Variants in ERC2 observed in about 807,000 individuals in gnomAD.
The protein encoded by ERC2 is ELKS/RAB6-interacting/CAST family member 2.
In ERC2, 42 loss-of-function variants were observed where a neutral mutation model predicts 114.8. The observed-to-expected ratio is 0.37, with a 90% CI of 0.29 to 0.47. The LOEUF (loss-of-function observed/expected upper bound fraction) is 0.47, where lower values mean the gene tolerates loss of function less well. Ranked by LOEUF, ERC2 falls within the 20% of genes least tolerant of loss-of-function variation. The pLI, the probability that ERC2 is intolerant of heterozygous loss-of-function variation, is 0.99. For missense variants in ERC2, 939 were observed against 1,150.7 expected (o/e 0.82, Z 2.66); for synonymous variants, 454 against 425.5 (o/e 1.07, Z -0.82).
chr3:56,284,051 G>A (rs934869815), intron 3 of ERC2, among the ~76,000 whole-genome samples: 5 of 152,296 alleles, frequency 3.3e-5, no homozygotes, highest in Non-Finnish European at 7.3e-5. Context: ...ATTCACACTG[G>A]CAGTTGAAAT....
chr3:55,840,911 C>T (rs2061104398), intron 14 of ERC2, among the ~76,000 whole-genome samples: 1 of 151,984 alleles, frequency 6.6e-6, no homozygotes, highest in Non-Finnish European at 1.5e-5. Context: ...TACTATATAG[C>T]AGAGTGACAT....
At chr3:55,536,151 C>T (rs1417016232) in intron 17 of ERC2, among the ~76,000 whole-genome samples, 1 of 152,168 alleles carries the variant, frequency 6.6e-6, no homozygotes, top group Non-Finnish European at 1.5e-5. Context: ...AGGAAATACC[C>T]ACAAGACCAA....
chr3:55,634,424 C>T (rs1280178790), intron 17 of ERC2, among the ~76,000 whole-genome samples: 2 of 152,034 alleles, frequency 1.3e-5, no homozygotes, highest in Admixed American at 1.3e-4. Context: ...TTGTCAGTCC[C>T]GGCTGTAACA....
chr3:55,897,662 C>T (rs2063907824), intron 13 of ERC2, among the ~76,000 whole-genome samples: 2 of 152,188 alleles, frequency 1.3e-5, no homozygotes, highest in African/African-American at 4.8e-5. Context: ...CTTAAACCCC[C>T]CGTCAGCAGC....
rs1370894845 is a variant in ERC2, at chr3:55,539,407, T to TTTTC, written c.*40-28135_*40-28132dup. ...TTTTTCTTTCTCTCTCTCTCTCTTT[T>TTTTC]TTTCTTTCTTTTTTTTTTTTTTTTT... On this transcript the variant is annotated intron_variant, in intron 17 of 17. Transcript: ENST00000288221. Among the ~76,000 whole-genome samples, 67 of 133,614 alleles carry TTTTC rather than the reference T, an allele frequency of 5.0e-4. No homozygotes were observed. In the South Asian group the frequency reaches 0.011, roughly 21 times the overall value. The allele number at this position is 133,614 out of a possible 152,430, so 87.7% of individuals were successfully genotyped here.
intron 5 of ERC2, among the ~76,000 whole-genome samples, chr3:56,147,752 T>C (rs1174018097): frequency 6.6e-6 from 1 of 152,306 alleles, no homozygotes; most frequent in South Asian, 2.1e-4. Flanking sequence ...AACAAATTTT[T>C]TTAATTGGTG....
At chr3:55,584,706 C>T (rs926921384) in intron 17 of ERC2, among the ~76,000 whole-genome samples, 1 of 152,162 alleles carries the variant, frequency 6.6e-6, no homozygotes, top group Admixed American at 6.5e-5. Context: ...GTTTCAGGAG[C>T]ACACCAAATA....
intron 17 of ERC2, among the ~76,000 whole-genome samples, chr3:55,526,974 C>T (rs73077409): frequency 0.05 from 7,651 of 152,338 alleles, 256 homozygotes; most frequent in Non-Finnish European, 0.071. Context: ...TGTCTCCACA[C>T]CTCCTTTGGG....
chr3:55,925,133 G>A (rs2065672651), intron 13 of ERC2, among the ~76,000 whole-genome samples: 1 of 152,160 alleles, frequency 6.6e-6, no homozygotes, highest in African/African-American at 2.4e-5. Flanking sequence ...ATAGAGAATG[G>A]ATCTATTTAG....
At chr3:55,694,073 G>A (rs1291874456) in intron 16 of ERC2, among the ~76,000 whole-genome samples, 1 of 152,168 alleles carries the variant, frequency 6.6e-6, no homozygotes, top group Non-Finnish European at 1.5e-5. Flanking sequence ...ACAATTCCAT[G>A]GGAAAGGGAA....
chr3:56,165,561 C>T (rs2082281353), intron 4 of ERC2, among the ~76,000 whole-genome samples: 1 of 149,842 alleles, frequency 6.7e-6, no homozygotes, highest in South Asian at 2.1e-4. Flanking sequence ...ATCCACCCTA[C>T]TGCTGACAGC....
chr3:56,350,367 T>C (rs919847323), intron 2 of ERC2, among the ~76,000 whole-genome samples: 6 of 152,228 alleles, frequency 3.9e-5, no homozygotes, highest in African/African-American at 1.4e-4. Context: ...TTCACACGGT[T>C]GGCATATGAG....
chr3:56,344,113 A>G (rs2058210954), intron 2 of ERC2, among the ~76,000 whole-genome samples: 2 of 152,240 alleles, frequency 1.3e-5, no homozygotes, highest in Admixed American at 6.5e-5. Flanking sequence ...TAAACAAAAT[A>G]TCTTTTTACA....
At chr3:56,269,611 A>G (rs552641556) in intron 3 of ERC2, among the ~76,000 whole-genome samples, 1 of 152,326 alleles carries the variant, frequency 6.6e-6, no homozygotes, top group African/African-American at 2.4e-5. Context: ...CCAAAAGTGG[A>G]CATTAAAAGT....
intron 13 of ERC2, among the ~76,000 whole-genome samples, chr3:55,926,414 T>TA (rs148370132): frequency 4.1e-4 from 30 of 73,190 alleles, no homozygotes; most frequent in Middle Eastern, 6.3e-3. Flanking sequence ...TTTTTTGTTT[T>TA]TAAAAAAAAA....
At chr3:56,317,561 T>A (rs954344278) in intron 2 of ERC2, among the ~76,000 whole-genome samples, 1 of 152,204 alleles carries the variant, frequency 6.6e-6, no homozygotes, top group South Asian at 2.1e-4. Context: ...ATTTTAATGA[T>A]AATCTAAAAA....
At chr3:55,831,140 T>C (rs1303011130) in intron 14 of ERC2, among the ~76,000 whole-genome samples, 1 of 116,610 alleles carries the variant, frequency 8.6e-6, no homozygotes, top group Admixed American at 8.0e-5. Flanking sequence ...GACCCCTCTC[T>C]ACAAAAAAAA....
chr3:56,332,058 G>T (rs1172425071), intron 2 of ERC2, among the ~76,000 whole-genome samples: 1 of 152,036 alleles, frequency 6.6e-6, no homozygotes, highest in African/African-American at 2.4e-5. Flanking sequence ...GGAGAGTGGG[G>T]ACCTAACAGC....
intron 2 of ERC2, among the ~76,000 whole-genome samples, chr3:56,298,678 A>C (rs2055621290): frequency 6.7e-6 from 1 of 150,288 alleles, no homozygotes; most frequent in Non-Finnish European, 1.5e-5. Flanking sequence ...ATAGATGGAG[A>C]ATAAATTAGT....
Sources: allele counts gnomAD v4.1 joint callset (sites outside exome capture counted in the v4.1 genomes callset), GRCh38; gene constraint gnomAD v4.1.1; transcripts MANE v1.5; gene names NCBI Gene and HGNC (gene_info 2026-07-23, HGNC 2026-07-21).